Variants in MARCHF11 observed in about 807,000 individuals in gnomAD.
MARCHF11 encodes E3 ubiquitin-protein ligase MARCHF11.
A neutral mutation model predicts 37.3 loss-of-function variants in MARCHF11; 29 were observed. The ratio of observed to expected loss-of-function variants is 0.78; its 90% confidence interval spans 0.58 to 1.06. The LOEUF (loss-of-function observed/expected upper bound fraction) is 1.06. Ranked by LOEUF, MARCHF11 falls within the 50% of genes least tolerant of loss-of-function variation. The pLI, the probability that MARCHF11 is intolerant of heterozygous loss-of-function variation, is 0.00. For missense variants in MARCHF11, 482 were observed against 533.4 expected, an observed-to-expected ratio of 0.90 and a Z score of 0.95; for synonymous variants, 233 against 228.0, an observed-to-expected ratio of 1.02 and a Z score of -0.20.
intron 2 of MARCHF11, among the ~76,000 whole-genome samples, chr5:16,162,870 T>A (rs1047677340): frequency 6.6e-6 from 1 of 152,036 alleles, no homozygotes; most frequent in African/African-American, 2.4e-5. Flanking sequence ...TAAGAGACCA[T>A]CAAATGCCAA....
At position 16,179,508 on chromosome 5, in the gene MARCHF11, G is replaced by A. The variant is rs1392593973; in HGVS notation, c.68C>T (p.Pro23Leu). ...CGGCGGCGGCGGGGGAGGTTGCGGG[G>A]GAGGCTCGGCGTCCCCGCTCTCCGC... ...RGAESGDAEP[P>L]PQPPPPPPPT... Residue 23 changes from proline to leucine, a missense_variant, in exon 1 of 4, where the codon CCC (proline) becomes CTC (leucine). Pro to Leu is a moderately conservative substitution (Grantham distance 98). Coordinates refer to ENST00000332432, the MANE Select transcript of MARCHF11 (RefSeq NM_001102562.3). The A allele has an allele frequency of 2.6e-5, 30 of 1,170,568 alleles. No individual in the cohort carries two copies. Among genetic ancestry groups the A allele is most frequent in the Non-Finnish European group, 3.1e-5 (29 of 949,140 alleles). The allele number at this position is 1,170,568 out of a possible 1,614,324, so 72.5% of individuals were successfully genotyped here.
At chr5:16,140,027 T>C (rs1737676273) in intron 2 of MARCHF11, among the ~76,000 whole-genome samples, 1 of 152,116 alleles carries the variant, frequency 6.6e-6, no homozygotes, top group Non-Finnish European at 1.5e-5. Flanking sequence ...CAAAACACCC[T>C]GCCATCTGTA....
chr5:16,175,594 A>G (rs1738342273), intron 2 of MARCHF11, among the ~76,000 whole-genome samples: 1 of 152,190 alleles, frequency 6.6e-6, no homozygotes, highest in African/African-American at 2.4e-5. Context: ...CACCTCATAG[A>G]TTTGTCATGA....
chr5:16,110,340 T>C (rs1737115999), intron 2 of MARCHF11, among the ~76,000 whole-genome samples: 1 of 152,136 alleles, frequency 6.6e-6, no homozygotes, highest in South Asian at 2.1e-4. Flanking sequence ...ATTCATAAAA[T>C]TGTTTTGCAC....
intron 3 of MARCHF11, among the ~76,000 whole-genome samples, chr5:16,082,949 TGCTG>T (rs56996996): frequency 0.027 from 4,121 of 152,264 alleles, 168 homozygotes; most frequent in African/African-American, 0.094. Flanking sequence ...CATGGGTGAA[TGCTG>T]GCTGACCTGT....
intron 2 of MARCHF11, among the ~76,000 whole-genome samples, chr5:16,125,967 A>C (rs1455851513): frequency 6.6e-6 from 1 of 152,194 alleles, no homozygotes; most frequent in Non-Finnish European, 1.5e-5. Context: ...CCTCATTTCG[A>C]TTTGTGAACA....
At chr5:16,138,170 C>T (rs1052717978) in intron 2 of MARCHF11, among the ~76,000 whole-genome samples, 1 of 152,112 alleles carries the variant, frequency 6.6e-6, no homozygotes, top group South Asian at 2.1e-4. Context: ...CATGGCAGCC[C>T]CTCCCATCAC....
intron 2 of MARCHF11, among the ~76,000 whole-genome samples, chr5:16,174,261 T>C (rs1246759438): frequency 6.6e-6 from 1 of 152,236 alleles, no homozygotes; most frequent in Non-Finnish European, 1.5e-5. Flanking sequence ...TTGGATATGT[T>C]AATAAATAAA....
intron 2 of MARCHF11, among the ~76,000 whole-genome samples, chr5:16,142,929 G>T (rs1418292627): frequency 3.6e-5 from 4 of 110,396 alleles, no homozygotes; most frequent in African/African-American, 1.4e-4. Flanking sequence ...TAGTAGAGAT[G>T]CAGTTTCTCC....
At chr5:16,134,519 G>A (rs1053916701) in intron 2 of MARCHF11, among the ~76,000 whole-genome samples, 64 of 152,232 alleles carry the variant, frequency 4.2e-4, no homozygotes, top group African/African-American at 1.5e-3. Flanking sequence ...AAATTACCCA[G>A]TCTGTAGTAT....
chr5:16,174,602 G>A (rs1408383212), intron 2 of MARCHF11, among the ~76,000 whole-genome samples: 3 of 152,236 alleles, frequency 2.0e-5, no homozygotes, highest in African/African-American at 7.2e-5. Context: ...CTGAGCACAA[G>A]GAAATACAAC....
intron 2 of MARCHF11, chr5:16,141,287 C>T (rs1264618041): frequency 6.6e-6 from 1 of 152,194 alleles, no homozygotes; most frequent in African/African-American, 2.4e-5. Context: ...GGGCCATACA[C>T]TACTCTAGGC....
chr5:16,100,522 TGTGGA>T (rs918033176), intron 2 of MARCHF11, among the ~76,000 whole-genome samples: 14 of 152,286 alleles, frequency 9.2e-5, no homozygotes, highest in African/African-American at 3.4e-4. Flanking sequence ...AGCCCAGTGA[TGTGGA>T]GTGGAGAGTG....
At chr5:16,162,236 T>G (rs1738091386) in intron 2 of MARCHF11, among the ~76,000 whole-genome samples, 1 of 152,004 alleles carries the variant, frequency 6.6e-6, no homozygotes, top group South Asian at 2.1e-4. Context: ...CTGATTGTAC[T>G]CATTTTTTCC....
intron 3 of MARCHF11, among the ~76,000 whole-genome samples, chr5:16,069,714 T>C (rs1385584911): frequency 6.6e-6 from 1 of 152,124 alleles, no homozygotes; most frequent in Non-Finnish European, 1.5e-5. Flanking sequence ...CCCAAGTTTT[T>C]AAGGCTGGAG....
intron 2 of MARCHF11, among the ~76,000 whole-genome samples, chr5:16,116,603 G>A (rs1289235379): frequency 6.6e-6 from 1 of 151,836 alleles, no homozygotes; most frequent in African/African-American, 2.4e-5. Context: ...AGATGCCATA[G>A]TGACTTTAGA....
intron 2 of MARCHF11, among the ~76,000 whole-genome samples, chr5:16,157,418 C>T (rs1737995753): frequency 6.6e-6 from 1 of 151,878 alleles, no homozygotes; most frequent in Non-Finnish European, 1.5e-5. Flanking sequence ...AAGCTAGAGG[C>T]ATCACACTAC....
chr5:16,161,633 C>T (rs1018416121), intron 2 of MARCHF11, among the ~76,000 whole-genome samples: 1 of 151,914 alleles, frequency 6.6e-6, no homozygotes, highest in Admixed American at 6.6e-5. Flanking sequence ...ATACTGGCTT[C>T]CCAGCATCTT....
At chr5:16,075,869 T>G (rs572264169) in intron 3 of MARCHF11, among the ~76,000 whole-genome samples, 1 of 152,122 alleles carries the variant, frequency 6.6e-6, no homozygotes, top group Non-Finnish European at 1.5e-5. Context: ...GCAGAGGACA[T>G]GGCCAGGGCA....
Sources: gnomAD v4.1 joint callset for allele counts (sites outside exome capture counted in the v4.1 genomes callset) on GRCh38, gnomAD v4.1.1 for gene constraint, MANE v1.5 for transcripts, NCBI Gene and HGNC (gene_info 2026-07-23, HGNC 2026-07-21) for gene names.